SCRIB: variants seen among roughly 807,000 people sequenced by gnomAD.
SCRIB encodes the protein scribble planar cell polarity protein.
SCRIB carries 72 observed loss-of-function variants against 170.0 expected under a neutral mutation model. The observed-to-expected ratio is 0.42, with a 90% CI of 0.35 to 0.52. The LOEUF (loss-of-function observed/expected upper bound fraction) is 0.52, where lower values mean the gene tolerates loss of function less well. SCRIB is among the 20% of genes least tolerant of loss of function. The pLI is 0.02. For synonymous variants in SCRIB, 1,298 were observed against 1,044.3 expected (o/e 1.24, Z -4.68); for missense variants, 2,475 against 2,338.5 (o/e 1.06, Z -1.20).
In SCRIB at chr8:143,791,756, T is replaced by G. The variant is rs1587502650; in HGVS notation, c.4696-16A>C. ...CAGACAAGGGCTTGAAAGGACAGCG[T>G]GAGGGGAGAGGCAGAGAGTGAGAGG... On this transcript the variant is annotated splice_polypyrimidine_tract_variant and intron_variant, in intron 34 of 36. Coordinates refer to ENST00000356994, the MANE Select transcript of SCRIB (RefSeq NM_182706.5). The G allele has an allele frequency of 6.8e-7, 1 of 1,478,166 alleles. No homozygotes were observed. Among genetic ancestry groups the G allele is most frequent in the Non-Finnish European group, 9.1e-7 (1 of 1,103,632 alleles). The allele number at this position is 1,478,166 out of a possible 1,614,324, so 91.6% of individuals were successfully genotyped here. A position where few individuals can be genotyped will look rare whatever the true frequency, so the allele number is the denominator to read the frequency against.
intron 26 of SCRIB, 55 bp from the exon 27 acceptor site, chr8:143,795,167 C>A (rs1291240199): frequency 4.4e-6 from 7 of 1,599,512 alleles, no homozygotes; most frequent in Non-Finnish European, 6.0e-6. Context: ...CAGCACCCGG[C>A]CAGCACAGGG....
chr8:143,811,076 C>A lies in SCRIB; in HGVS notation c.1107-4G>T, dbSNP rs762729610. The A allele has an allele frequency of 1.2e-5, 20 of 1,609,048 alleles. No individual in the cohort carries two copies. Among genetic ancestry groups the A allele is most frequent in the Admixed American group, 1.7e-5 (1 of 59,602 alleles). Reference sequence around the variant, plus strand: ...CGCGAACGGCAGACTCTGCAGGCTGCGGGCCGGGCGGGCACAGTCAGCAGG... The same window carrying A: ...CGCGAACGGCAGACTCTGCAGGCTGAGGGCCGGGCGGGCACAGTCAGCAGG... On this transcript the variant is annotated splice_polypyrimidine_tract_variant and splice_region_variant and intron_variant, in intron 10 of 36. Transcript: ENST00000356994.
chr8:143,812,461 T>A, intron 8 of SCRIB, 77 bp from the exon 9 acceptor site: 1 of 1,117,174 alleles, frequency 9.0e-7, no homozygotes, highest in Non-Finnish European at 1.4e-6. Flanking sequence ...AGAAGCGCCC[T>A]CAAGGCAGAC....
intron 1 of SCRIB, 84 bp from the exon 2 acceptor site, chr8:143,814,202 C>A: frequency 8.6e-7 from 1 of 1,168,704 alleles, no homozygotes; most frequent in South Asian, 1.3e-5. Context: ...TGTCACAAGT[C>A]AAGAGTCCCT....
At position 143,791,050 on chromosome 8, in the gene SCRIB, A is replaced by T; in HGVS notation, c.*113T>A. 1.4e-5 allele frequency: 16 copies of T among 1,159,842 alleles called. No homozygotes were observed. Among genetic ancestry groups the T allele is most frequent in the Non-Finnish European group, 1.7e-5 (15 of 903,936 alleles). 71.8% of individuals were successfully genotyped at this position (1,159,842 alleles called of 1,614,324 possible). Reference sequence around the variant, plus strand: ...GGCAGTTAGTTAGTCACAGGCCAGAACTCCTGTGGGGTCTCTTTAAAATGC... The same window carrying T: ...GGCAGTTAGTTAGTCACAGGCCAGATCTCCTGTGGGGTCTCTTTAAAATGC... On this transcript the variant is annotated 3_prime_UTR_variant, in exon 37 of 37. Coordinates refer to ENST00000356994, the MANE Select transcript of SCRIB (RefSeq NM_182706.5).
Position 143,810,896 on chromosome 8 carries a change from A to C in SCRIB, c.1273+10T>G. Reference sequence around the variant, plus strand: ...CACCCCGCGCTAAGCACCGGTTGCCAACAACCTACCGAGGCTGGGTGGGGG... The same window carrying C: ...CACCCCGCGCTAAGCACCGGTTGCCCACAACCTACCGAGGCTGGGTGGGGG... On this transcript the variant is annotated intron_variant, in intron 11 of 36. Coordinates refer to ENST00000356994, the MANE Select transcript of SCRIB (RefSeq NM_182706.5). The C allele has an allele frequency of 6.2e-7, 1 of 1,610,978 alleles. No homozygotes were observed. Among genetic ancestry groups the C allele is most frequent in the Non-Finnish European group, 8.5e-7 (1 of 1,179,870 alleles).
chr8:143,812,448 G>C (rs534371064), intron 8 of SCRIB, 64 bp from the exon 9 acceptor site: 2 of 1,240,172 alleles, frequency 1.6e-6, no homozygotes, highest in Non-Finnish European at 2.4e-6. Flanking sequence ...TACCCACCTG[G>C]CCAGAAGCGC....
At chr8:143,794,935 C>T (rs558383886) in intron 27 of SCRIB, 103 bp downstream of exon 27, 58 of 1,187,690 alleles carry the variant, frequency 4.9e-5, no homozygotes, top group African/African-American at 3.0e-4. Flanking sequence ...CCCCAGCCCC[C>T]GCCCAAAGGT....
rs782254520 is a variant in SCRIB, at chr8:143,803,832, C to A, written c.3229G>T (p.Ala1077Ser). 2 of 1,604,094 alleles carry A rather than the reference C, an allele frequency of 1.2e-6. No individual in the cohort carries two copies. The highest frequency in any genetic ancestry group is 8.5e-7 in the Non-Finnish European group (1 of 1,178,470). The stretch of plus-strand genomic sequence containing the variant: ...AGCTCCAGGCAGGGCCGGAGCAGGG[C>A]ACTGACTGCTTCTTGGTGCGTGGCA... ...RDATHQEAVS[A>S]LLRPCLELSL... is the part of the protein sequence containing the mutation. Residue 1077 changes from alanine to serine, a missense_variant, in exon 23 of 37, where the codon GCC becomes TCC. Physicochemically the swap from Ala to Ser is moderately conservative, Grantham distance 99 (BLOSUM62 1). This residue lies in a region of SCRIB where 1,966 missense variants were observed against 1,742.9 expected (regional missense o/e 1.13). Transcript: ENST00000356994.
At chr8:143,809,347 C>T (rs948038671) in intron 14 of SCRIB, among the ~76,000 whole-genome samples, 1 of 152,094 alleles carries the variant, frequency 6.6e-6, no homozygotes, top group Non-Finnish European at 1.5e-5. Context: ...GACCTTAACC[C>T]CACCTAGGGA....
chr8:143,807,080 A>G, intron 16 of SCRIB, 67 bp from the exon 17 acceptor site: 1 of 1,139,018 alleles, frequency 8.8e-7, no homozygotes, highest in Non-Finnish European at 1.3e-6. Context: ...TCTGCAGGAG[A>G]CCCCACCAGC....
chr8:143,809,104 C>T (rs1563803218), intron 14 of SCRIB, 79 bp from the exon 15 acceptor site: 3 of 1,494,600 alleles, frequency 2.0e-6, no homozygotes, highest in East Asian at 2.3e-5. Flanking sequence ...ACAGTGTGGC[C>T]ACAGACGGGC....
intron 6 of SCRIB, 42 bp from the exon 7 acceptor site, chr8:143,813,146 C>A: frequency 6.3e-7 from 1 of 1,574,958 alleles, no homozygotes. Context: ...TGAGGCAAAG[C>A]CTCCTGCTGC....
rs780413196 is a variant in SCRIB, at chr8:143,813,083, G to A, written c.589C>T (p.Pro197Ser). The A allele has an allele frequency of 3.8e-6, 6 of 1,582,786 alleles. No individual in the cohort carries two copies. Among genetic ancestry groups the A allele is most frequent in the Admixed American group, 3.7e-5 (2 of 54,218 alleles). The change falls in exon 7 of 37, where the codon CCC becomes TCC. Residue 197 changes from proline to serine, a missense_variant. Pro to Ser is a moderately conservative substitution (Grantham distance 74). Around this residue, in one of 3 missense-constraint regions of SCRIB, gnomAD observed 487 missense variants for 558.1 expected, o/e 0.87. Transcript: ENST00000356994. ...EVLPDTLGAL[P>S]NLRELWLDRN... is the part of the protein sequence containing the mutation. ...TCAAGCCACAGCTCCCGAAGATTGG[G>A]CAGAGCCCCCAGAGTGTCTGGCTGC...
In SCRIB at chr8:143,815,646, C is replaced by G; in HGVS notation, c.-274G>C. 1.0e-6 allele frequency: 1 copy of G among 982,978 alleles called. No individual in the cohort carries two copies. Among genetic ancestry groups the G allele is most frequent in the Non-Finnish European group, 1.2e-6 (1 of 828,878 alleles). 60.9% of individuals were successfully genotyped at this position (982,978 alleles called of 1,614,324 possible). ...GCGGCGGCGGCGGCTCCGCATCCCG[C>G]TTGGTCCTGCTCAGCTCGTCCCGCC... is the stretch of plus-strand genomic sequence containing the variant. On this transcript the variant is annotated 5_prime_UTR_variant, in exon 1 of 37. Transcript: ENST00000356994.
At chr8:143,795,394 G>C (rs372719644) in intron 25 of SCRIB, 26 bp downstream of exon 25, 1 of 1,612,406 alleles carries the variant, frequency 6.2e-7, no homozygotes, top group Non-Finnish European at 8.5e-7. Flanking sequence ...CTGGCCCTGG[G>C]GCTGCCGGCT....
At chr8:143,809,855 C>T (rs1035977235) in intron 13 of SCRIB, 137 bp from the exon 14 acceptor site, 28 of 976,950 alleles carry the variant, frequency 2.9e-5, no homozygotes, top group Middle Eastern at 3.1e-4. Context: ...CTCACGCCCT[C>T]GCAGCTGCTC....
rs1184060576 is a variant in SCRIB, at chr8:143,793,593, G to C, written c.3909+307C>G. On this transcript the variant is annotated intron_variant, in intron 28 of 36. Coordinates refer to ENST00000356994, the MANE Select transcript of SCRIB (RefSeq NM_182706.5). Reference sequence around the variant, plus strand: ...GGCAAGGACCCCCAGACAAAAGGCAGGCAGGGATAAGGTGGGCCCTGGGAG... The same window carrying C: ...GGCAAGGACCCCCAGACAAAAGGCACGCAGGGATAAGGTGGGCCCTGGGAG... 5 of 391,626 alleles carry C rather than the reference G, an allele frequency of 1.3e-5. No individual in the cohort carries two copies. The Admixed American group carries it at 2.0e-4, about 16-fold the overall frequency. 24.3% of individuals were successfully genotyped at this position (391,626 alleles called of 1,614,324 possible).
At chr8:143,807,422 AGCT>A (rs1554636891) in intron 16 of SCRIB, 127 bp downstream of exon 16, 5 of 817,288 alleles carry the variant, frequency 6.1e-6, no homozygotes, top group Non-Finnish European at 8.5e-6. Flanking sequence ...CCTGGAGCCC[AGCT>A]GGATCTGAGA....
Sources: allele counts gnomAD v4.1 joint callset (sites outside exome capture counted in the v4.1 genomes callset), GRCh38; gene constraint gnomAD v4.1.1; regional missense constraint gnomAD v4.1.1; transcripts MANE v1.5; gene names NCBI Gene and HGNC (gene_info 2026-07-23, HGNC 2026-07-21).